Variants in NBAS observed in about 807,000 individuals in gnomAD.
NBAS encodes the protein NBAS subunit of NRZ tethering complex.
A neutral mutation model predicts 302.5 loss-of-function variants in NBAS; 219 were observed. The observed-to-expected ratio is 0.72, with a 90% confidence interval of 0.65 to 0.81. NBAS has a LOEUF of 0.81. Among genes scored for constraint, NBAS ranks in the 30% least tolerant of loss-of-function variants. The probability of loss-of-function intolerance (pLI) is 0.00; values close to 1 mark genes in which losing one functional copy is unlikely to be tolerated. For missense variants in NBAS, 2,932 were observed against 2,841.6 expected (o/e 1.03, Z -0.72); for synonymous variants, 1,118 against 1,021.6 (o/e 1.09, Z -1.80).
chr2:15,111,528 G>A, the NBAS span, among the ~76,000 whole-genome samples: 12 of 152,052 alleles, frequency 7.9e-5, no homozygotes, highest in African/African-American at 2.7e-4. Context: ...CAAATTTATT[G>A]TGACTGAGGG....
intron 21 of NBAS, among the ~76,000 whole-genome samples, chr2:15,452,397 C>G (rs1042712869): frequency 1.5e-4 from 22 of 151,360 alleles, no homozygotes; most frequent in African/African-American, 5.4e-4. Context: ...AGATCAAGAC[C>G]ATCCTGGCTA....
the NBAS span, among the ~76,000 whole-genome samples, chr2:14,822,727 C>T: frequency 6.6e-6 from 1 of 152,294 alleles, no homozygotes; most frequent in African/African-American, 2.4e-5. Context: ...CTTGAATAGG[C>T]AATGGACATT....
At chr2:15,157,236 G>A in the NBAS span, among the ~76,000 whole-genome samples, 1 of 152,192 alleles carries the variant, frequency 6.6e-6, no homozygotes, top group Non-Finnish European at 1.5e-5. Flanking sequence ...ACCCAGGACT[G>A]AGTGATCATG....
At chr2:14,830,604 G>T in the NBAS span, among the ~76,000 whole-genome samples, 2 of 152,142 alleles carry the variant, frequency 1.3e-5, no homozygotes, top group Non-Finnish European at 2.9e-5. Flanking sequence ...TAAACTCAGG[G>T]TTGGCTGCTG....
At chr2:15,190,927 T>G (rs1391017846) in intron 48 of NBAS, among the ~76,000 whole-genome samples, 1 of 152,214 alleles carries the variant, frequency 6.6e-6, no homozygotes, top group Non-Finnish European at 1.5e-5. Context: ...TATTTATACC[T>G]CCATTTCGAA....
the NBAS span, among the ~76,000 whole-genome samples, chr2:14,799,925 G>A: frequency 6.6e-5 from 10 of 152,054 alleles, no homozygotes; most frequent in African/African-American, 2.2e-4. Context: ...CCATTGTTTT[G>A]TGTTTAACCT....
chr2:14,824,493 A>G, the NBAS span, among the ~76,000 whole-genome samples: 6 of 152,226 alleles, frequency 3.9e-5, no homozygotes, highest in Non-Finnish European at 7.3e-5. Flanking sequence ...GAAAGGGAGG[A>G]AAATACTCAA....
the NBAS span, among the ~76,000 whole-genome samples, chr2:15,048,677 A>G: frequency 6.6e-6 from 1 of 152,196 alleles, no homozygotes; most frequent in Admixed American, 6.5e-5. Context: ...ACTGGGCTCT[A>G]ACAAGACAGC....
intron 48 of NBAS, among the ~76,000 whole-genome samples, 189 bp downstream of exon 48, chr2:15,218,584 A>C (rs1666762344): frequency 6.6e-6 from 1 of 152,052 alleles, no homozygotes; most frequent in Non-Finnish European, 1.5e-5. Flanking sequence ...CCACCACACC[A>C]GGCTGTTTGT....
At chr2:15,138,045 C>T in the NBAS span, among the ~76,000 whole-genome samples, 6 of 152,146 alleles carry the variant, frequency 3.9e-5, no homozygotes, top group Admixed American at 6.5e-5. Flanking sequence ...ACACAATACA[C>T]GAGAATCACA....
At chr2:15,067,524 G>A in the NBAS span, among the ~76,000 whole-genome samples, 4 of 151,332 alleles carry the variant, frequency 2.6e-5, no homozygotes, top group East Asian at 7.8e-4. Flanking sequence ...ATCCTACCAC[G>A]TGCCACAACA....
chr2:15,549,707 G>A (rs113253014), intron 6 of NBAS, among the ~76,000 whole-genome samples: 4 of 151,996 alleles, frequency 2.6e-5, no homozygotes, highest in South Asian at 2.1e-4. Flanking sequence ...CAGCCTGAGC[G>A]AAAGACTGAG....
At chr2:15,256,939 T>C (rs890889120) in intron 44 of NBAS, among the ~76,000 whole-genome samples, 2 of 152,208 alleles carry the variant, frequency 1.3e-5, no homozygotes, top group African/African-American at 4.8e-5. Flanking sequence ...CTTTTTGATA[T>C]GCTGTTGGAT....
At chr2:14,962,507 G>A in the NBAS span, among the ~76,000 whole-genome samples, 17 of 152,142 alleles carry the variant, frequency 1.1e-4, no homozygotes, top group South Asian at 2.7e-3. Flanking sequence ...TCACTAAAGC[G>A]ATCTGCTTGA....
the NBAS span, among the ~76,000 whole-genome samples, chr2:14,885,547 T>C: frequency 9.9e-5 from 15 of 152,260 alleles, no homozygotes; most frequent in Non-Finnish European, 1.9e-4. Flanking sequence ...GTTGAGTATA[T>C]ATGTGAGGAG....
the NBAS span, among the ~76,000 whole-genome samples, chr2:15,039,852 G>T: frequency 6.6e-6 from 1 of 152,136 alleles, no homozygotes; most frequent in Admixed American, 6.5e-5. Flanking sequence ...TTCATTCCTG[G>T]TGCCTCCTCC....
intron 21 of NBAS, among the ~76,000 whole-genome samples, chr2:15,456,452 T>A (rs906574291): frequency 6.6e-6 from 1 of 152,238 alleles, no homozygotes; most frequent in South Asian, 2.1e-4. Flanking sequence ...TTGTGGTTCC[T>A]AAGTCACTCA....
chr2:15,055,357 A>C, the NBAS span, among the ~76,000 whole-genome samples: 4 of 152,194 alleles, frequency 2.6e-5, no homozygotes, highest in African/African-American at 9.7e-5. Flanking sequence ...ACAGTGGGTG[A>C]GGTGCAACCT....
At chr2:15,067,031 C>A in the NBAS span, among the ~76,000 whole-genome samples, 1 of 151,822 alleles carries the variant, frequency 6.6e-6, no homozygotes, top group Non-Finnish European at 1.5e-5. Context: ...CTTAAAAAGG[C>A]AGAAATCCTG....
Sources: allele counts gnomAD v4.1 joint callset (sites outside exome capture counted in the v4.1 genomes callset), GRCh38; gene constraint gnomAD v4.1.1; transcripts MANE v1.5; gene names NCBI Gene and HGNC (gene_info 2026-07-23, HGNC 2026-07-21).